Variants in MMP9 observed in about 807,000 individuals in gnomAD.
The protein encoded by MMP9 is matrix metallopeptidase 9, also known as matrix metalloproteinase-9.
Under a neutral mutation model 76.4 loss-of-function variants are expected in MMP9, and 73 were observed. The observed-to-expected ratio is 0.96, with a 90% CI of 0.79 to 1.16. The LOEUF (loss-of-function observed/expected upper bound fraction) is 1.16, where lower values mean the gene tolerates loss of function less well. Ranked by LOEUF, MMP9 falls within the 50% of genes most tolerant of loss-of-function variation. The probability of loss-of-function intolerance (pLI) is 0.00; values close to 1 mark genes in which losing one functional copy is unlikely to be tolerated. For synonymous variants in MMP9, 412 were observed against 408.4 expected, an observed-to-expected ratio of 1.01 and a Z score of -0.11; for missense variants, 943 against 973.0, an observed-to-expected ratio of 0.97 and a Z score of 0.41.
In MMP9 at chr20:46,016,028, T is replaced by A. The variant is rs1342356938; in HGVS notation, c.2006-222T>A. ...CAAAATGTGTATGGTGTACCTACTG[T>A]GTGCTAGGCTCTGTGGCAGTGCTTT... is the stretch of plus-strand genomic sequence containing the variant. On this transcript the variant is annotated intron_variant, in intron 12 of 12. Coordinates refer to ENST00000372330, the MANE Select transcript of MMP9 (RefSeq NM_004994.3). Among the ~76,000 whole-genome samples the A allele has an allele frequency of 2.0e-5, 3 of 152,258 alleles. No individual in the cohort carries two copies. The East Asian group carries it at 5.8e-4, about 29-fold the overall frequency.
chr20:46,010,333 A>AACAAACAAAAAAAAAAAAAC lies in MMP9; in HGVS notation c.372-149_372-148insCAAACAAAAAAAAAAAAACA, dbSNP rs1555856969. On this transcript the variant is annotated intron_variant, in intron 2 of 12. Transcript: ENST00000372330. ...GGGTCTAAGTAGACAAAAAAAAAAA[A>AACAAACAAAAAAAAAAAAAC]AAAAAAAACAGTCTGGAAGCAATTT... is the stretch of plus-strand genomic sequence containing the variant. The AACAAACAAAAAAAAAAAAAC allele has an allele frequency of 9.7e-6, 8 of 828,820 alleles. No homozygotes were observed. In the African/African-American group the frequency reaches 1.3e-4, roughly 13 times the overall value. 51.3% of individuals were successfully genotyped at this position (828,820 alleles called of 1,614,324 possible). A position where few individuals can be genotyped will look rare whatever the true frequency, so the allele number is the denominator to read the frequency against.
intron 1 of MMP9, 36 bp downstream of exon 1, chr20:46,009,100 G>C: frequency 6.2e-7 from 1 of 1,605,102 alleles, no homozygotes; most frequent in South Asian, 1.1e-5. Context: ...GGGGAGGGCT[G>C]TCCGTGAGGG....
Position 46,012,180 on chromosome 20 carries a change from C to A in MMP9, c.1041C>A (p.Cys347Ter), listed in dbSNP as rs770663427. The change falls in exon 7 of 13, where the codon TGC (cysteine) becomes TGA (stop). Residue 347 changes from cysteine to a stop codon, truncating the protein, a stop_gained. Transcript: ENST00000372330. LOFTEE classifies it high-confidence loss of function. ...VMGGNSAGEL[C>*]VFPFTFLGKE... ...GGGGCAACTCGGCGGGGGAGCTGTGCGTCTTCCCCTTCACTTTCCTGGGTA... is the reference window on the plus strand; with the variant it reads ...GGGGCAACTCGGCGGGGGAGCTGTGAGTCTTCCCCTTCACTTTCCTGGGTA... 2 of 1,614,078 alleles carry A rather than the reference C, an allele frequency of 1.2e-6. No individual in the cohort carries two copies. Among genetic ancestry groups the A allele is most frequent in the Non-Finnish European group, 1.7e-6 (2 of 1,180,036 alleles).
rs888785367 is a variant in MMP9, at chr20:46,011,638, C to G, written c.888C>G (p.Gly296=). The part of the protein sequence containing the change: ...KPCQFPFIFQ[G]QSYSACTTDG... ...GCCAGTTTCCATTCATCTTCCAAGGCCAATCCTACTCCGCCTGCACCACGG... is the reference window on the plus strand; with the variant it reads ...GCCAGTTTCCATTCATCTTCCAAGGGCAATCCTACTCCGCCTGCACCACGG... Residue 296 remains glycine (G), a synonymous_variant, in exon 6 of 13, where the codon GGC becomes GGG. Coordinates refer to ENST00000372330, the MANE Select transcript of MMP9 (RefSeq NM_004994.3). 3 of 1,613,856 alleles carry G rather than the reference C, an allele frequency of 1.9e-6. No homozygotes were observed. In the Admixed American group the frequency reaches 5.0e-5, roughly 27 times the overall value.
At position 46,013,553 on chromosome 20, in the gene MMP9, G is replaced by C; in HGVS notation, c.1610+19G>C. On this transcript the variant is annotated intron_variant, in intron 9 of 12. Transcript: ENST00000372330. This position sits in a 1 kb window ranked among gnomAD's most constrained non-coding sequence, Gnocchi z 4.5. ...AGGATGGGTGAGGAGGCGGGGTTGT[G>C]TGGATGCGGGAGGGGGCTTTGCGGA... 6.2e-7 allele frequency: 1 copy of C among 1,612,890 alleles called. No homozygotes were observed. The highest frequency in any genetic ancestry group is 8.5e-7 in the Non-Finnish European group (1 of 1,179,144).
Position 46,010,715 on chromosome 20 carries a change from GC to G in MMP9, c.520+88del, listed in dbSNP as rs2084273231. Reference sequence around the variant, plus strand: ...CACGGAGAGCGTGGAGGCAGCAGTGGCCCCGGCTTCCTCTTGCCTGCCCGCG... The same window carrying G: ...CACGGAGAGCGTGGAGGCAGCAGTGGCCCGGCTTCCTCTTGCCTGCCCGCG... On this transcript the variant is annotated intron_variant, in intron 3 of 12. Transcript: ENST00000372330. The G allele has an allele frequency of 2.6e-6, 4 of 1,550,530 alleles. No homozygotes were observed. In the African/African-American group the frequency reaches 4.1e-5, roughly 16 times the overall value.
intron 12 of MMP9, 48 bp downstream of exon 12, chr20:46,014,522 C>A (rs1352526821): frequency 1.5e-5 from 23 of 1,507,408 alleles, no homozygotes; most frequent in African/African-American, 1.5e-4. Context: ...CTAAGCTCCT[C>A]TTAGTGAGTG....
chr20:46,015,186 C>T (rs1440144959), intron 12 of MMP9, among the ~76,000 whole-genome samples: 1 of 152,140 alleles, frequency 6.6e-6, no homozygotes, highest in African/African-American at 2.4e-5. Context: ...CATCTCTTCC[C>T]ACTCCTCCTG....
At position 46,014,482 on chromosome 20, in the gene MMP9, C is replaced by T; in HGVS notation, c.2005+8C>T. The T allele has an allele frequency of 6.5e-7, 1 of 1,549,052 alleles. No homozygotes were observed. On this transcript the variant is annotated splice_region_variant and intron_variant, in intron 12 of 12. Coordinates refer to ENST00000372330, the MANE Select transcript of MMP9 (RefSeq NM_004994.3). ...ACGTCTTCCAGTACCGAGGTGAGGG[C>T]TGAGGAGGATCCCTTCGTGAGACAC... is the stretch of plus-strand genomic sequence containing the variant.
At position 46,016,286 on chromosome 20, in the gene MMP9, G is replaced by A. The variant is rs774687719; in HGVS notation, c.2042G>A (p.Arg681His). Reference sequence around the variant, plus strand: ...TTCTGCCAGGACCGCTTCTACTGGCGCGTGAGTTCCCGGAGTGAGTTGAAC... The same window carrying A: ...TTCTGCCAGGACCGCTTCTACTGGCACGTGAGTTCCCGGAGTGAGTTGAAC... The part of the protein sequence containing the change: ...AYFCQDRFYW[R>H]VSSRSELNQV... Residue 681 changes from arginine to histidine, a missense_variant, in exon 13 of 13, where the codon CGC becomes CAC. Arg to His is a conservative substitution (Grantham distance 29). Coordinates refer to ENST00000372330, the MANE Select transcript of MMP9 (RefSeq NM_004994.3). 1.9e-5 allele frequency: 30 copies of A among 1,614,082 alleles called. No individual in the cohort carries two copies. The Admixed American group carries it at 4.5e-4, about 24-fold the overall frequency.
intron 12 of MMP9, among the ~76,000 whole-genome samples, chr20:46,014,991 CA>C (rs2084309922): frequency 6.6e-6 from 1 of 152,174 alleles, no homozygotes; most frequent in African/African-American, 2.4e-5. Context: ...TCGAGTCTGT[CA>C]TTTTTTTTGC....
intron 1 of MMP9, among the ~76,000 whole-genome samples, chr20:46,009,627 A>T (rs537178820): frequency 2.0e-5 from 3 of 152,278 alleles, no homozygotes; most frequent in Admixed American, 2.0e-4. Flanking sequence ...TCTCTACAAA[A>T]AAATTAAAGA....
intron 6 of MMP9, 122 bp downstream of exon 6, chr20:46,011,869 G>A: frequency 8.0e-7 from 1 of 1,253,558 alleles, no homozygotes; most frequent in East Asian, 2.5e-5. Flanking sequence ...GGACGACCGT[G>A]ACTCCGCCCA....
intron 6 of MMP9, 22 bp downstream of exon 6, chr20:46,011,769 G>C (rs1445101768): frequency 1.2e-6 from 2 of 1,601,282 alleles, no homozygotes; most frequent in African/African-American, 2.7e-5. Flanking sequence ...CTGTCTACCA[G>C]GTTCAGCCCC....
Position 46,015,451 on chromosome 20 carries a change from T to C in MMP9, c.2006-799T>C, listed in dbSNP as rs866296772. On this transcript the variant is annotated intron_variant, in intron 12 of 12. Transcript: ENST00000372330. ...TCTATATTTTCTTTTTTTTTCTTTT[T>C]TCTTTTTTTTTTTTTTTGAGATGGA... Among the ~76,000 whole-genome samples the C allele has an allele frequency of 3.5e-3, 482 of 137,874 alleles. 3 individuals carry two copies. The highest frequency in any genetic ancestry group is 0.012 in the African/African-American group (456 of 36,750). The allele number at this position is 137,874 out of a possible 152,430, so 90.5% of individuals were successfully genotyped here. A position where few individuals can be genotyped will look rare whatever the true frequency, so the allele number is the denominator to read the frequency against.
In MMP9 at chr20:46,014,246, C is replaced by A; in HGVS notation, c.1873C>A (p.Leu625Met). 1 of 1,524,110 alleles carries A rather than the reference C, an allele frequency of 6.6e-7. No homozygotes were observed. The allele number at this position is 1,524,110 out of a possible 1,614,324, so 94.4% of individuals were successfully genotyped here. ...CCTCCGGAGTGGCAGGGGGAAGATGCTGCTGTTCAGCGGGCGGCGCCTCTG... is the reference window on the plus strand; with the variant it reads ...CCTCCGGAGTGGCAGGGGGAAGATGATGCTGTTCAGCGGGCGGCGCCTCTG... The part of the protein sequence containing the change: ...GALRSGRGKM[L>M]LFSGRRLWRF... Residue 625 changes from leucine to methionine, a missense_variant, in exon 11 of 13, where the codon CTG becomes ATG. Leu to Met is a conservative substitution (Grantham distance 15). Coordinates refer to ENST00000372330, the MANE Select transcript of MMP9 (RefSeq NM_004994.3).
At position 46,009,075 on chromosome 20, in the gene MMP9, A is replaced by C; in HGVS notation, c.138+11A>C. On this transcript the variant is annotated intron_variant, in intron 1 of 12. Coordinates refer to ENST00000372330, the MANE Select transcript of MMP9 (RefSeq NM_004994.3). ...AGGCAGCTGGCAGAGGTGGGCAAACACCTAGTCTAGAGTTGGGGAGGGCTG... is the reference window on the plus strand; with the variant it reads ...AGGCAGCTGGCAGAGGTGGGCAAACCCCTAGTCTAGAGTTGGGGAGGGCTG... 1 of 1,612,700 alleles carries C rather than the reference A, an allele frequency of 6.2e-7. No homozygotes were observed. Among genetic ancestry groups the C allele is most frequent in the Non-Finnish European group, 8.5e-7 (1 of 1,179,406 alleles).
chr20:46,010,105 C>T lies in MMP9; in HGVS notation c.371+7C>T, dbSNP rs1568846477. On this transcript the variant is annotated splice_region_variant and intron_variant, in intron 2 of 12. Coordinates refer to ENST00000372330, the MANE Select transcript of MMP9 (RefSeq NM_004994.3). ...ACCACAACATCACCTATTGGTGAGCCGGGGCCGTGGGGGCAGCGGGGTGGG... is the reference window on the plus strand; with the variant it reads ...ACCACAACATCACCTATTGGTGAGCTGGGGCCGTGGGGGCAGCGGGGTGGG... The T allele has an allele frequency of 7.7e-6, 7 of 909,196 alleles. No individual in the cohort carries two copies. Among genetic ancestry groups the T allele is most frequent in the East Asian group, 3.9e-5 (1 of 25,464 alleles). The allele number at this position is 909,196 out of a possible 1,614,324, so 56.3% of individuals were successfully genotyped here.
chr20:46,011,797 TG>T (rs2145453318), intron 6 of MMP9, 50 bp downstream of exon 6: 6 of 1,570,892 alleles, frequency 3.8e-6, no homozygotes, highest in Non-Finnish European at 3.4e-6. Context: ...CATCATGTAT[TG>T]GCCCCCAAAA....
Sources: gnomAD v4.1 joint callset for allele counts (sites outside exome capture counted in the v4.1 genomes callset) on GRCh38, gnomAD v4.1.1 for gene constraint, Gnocchi (gnomAD v3.1) non-coding constraint, MANE v1.5 for transcripts, NCBI Gene and HGNC (gene_info 2026-07-23, HGNC 2026-07-21) for gene names.